NOS1AP: variants seen among roughly 807,000 people sequenced by gnomAD.
NOS1AP encodes the protein nitric oxide synthase 1 adaptor protein.
In NOS1AP, 21 loss-of-function variants were observed where a neutral mutation model predicts 56.2. The ratio of observed to expected loss-of-function variants is 0.37; its 90% CI spans 0.26 to 0.54. NOS1AP has a LOEUF of 0.54. Ranked by LOEUF, NOS1AP falls within the 20% of genes least tolerant of loss-of-function variation. The pLI is 0.84. For missense variants in NOS1AP, 522 were observed against 657.8 expected (o/e 0.79, Z 2.26); for synonymous variants, 270 against 274.6 (o/e 0.98, Z 0.17).
At chr1:162,309,531 G>A (rs1655958000) in intron 4 of NOS1AP, among the ~76,000 whole-genome samples, 4 of 152,170 alleles carry the variant, frequency 2.6e-5, no homozygotes, top group Admixed American at 2.0e-4. Flanking sequence ...ATGGAAGTAA[G>A]GTAGAAGAAA....
At chr1:162,274,904 T>C (rs1167291047) in intron 2 of NOS1AP, among the ~76,000 whole-genome samples, 2 of 152,228 alleles carry the variant, frequency 1.3e-5, no homozygotes, top group Non-Finnish European at 2.9e-5. Context: ...CATTTTTTAC[T>C]TCGGGTGTTG....
rs536359229 is a variant in NOS1AP at position 162,162,340 on chromosome 1, A to T, written c.177+7864A>T. ...AATCAAGATTTTTGCGGTCGTTGGAATAGAGAGACGAAAGTAGCAGAAAAA... is the reference window on the plus strand; with the variant it reads ...AATCAAGATTTTTGCGGTCGTTGGATTAGAGAGACGAAAGTAGCAGAAAAA... On this transcript the variant is annotated intron_variant, in intron 2 of 9. Transcript: ENST00000361897. 1.5e-3 allele frequency among the ~76,000 whole-genome samples: 236 copies of T among 152,372 alleles called. 1 individual carries two copies. The highest frequency in any genetic ancestry group is 5.3e-3 in the African/African-American group (219 of 41,592).
At chr1:162,135,095 T>C (rs1270500294) in intron 1 of NOS1AP, among the ~76,000 whole-genome samples, 1 of 152,206 alleles carries the variant, frequency 6.6e-6, no homozygotes, top group Non-Finnish European at 1.5e-5. Context: ...TCCAAGCAAA[T>C]TAGGTGTTTG....
intron 1 of NOS1AP, among the ~76,000 whole-genome samples, chr1:162,097,061 C>G (rs1692260079): frequency 6.6e-6 from 1 of 151,522 alleles, no homozygotes; most frequent in South Asian, 2.1e-4. Flanking sequence ...TATTGCTGTG[C>G]TCTACACCCC....
At chr1:162,229,485 A>G (rs772862081) in intron 2 of NOS1AP, among the ~76,000 whole-genome samples, 5 of 152,110 alleles carry the variant, frequency 3.3e-5, no homozygotes, top group Non-Finnish European at 7.3e-5. Flanking sequence ...TAAATATTAC[A>G]TTATAGTGAA....
chr1:162,092,037 A>G (rs930500473), intron 1 of NOS1AP, among the ~76,000 whole-genome samples: 3 of 152,134 alleles, frequency 2.0e-5, no homozygotes, highest in African/African-American at 7.2e-5. Flanking sequence ...AGGGGGACTG[A>G]AGTACAAAGA....
rs200491179 is a variant in NOS1AP, at chr1:162,186,334, G to GT, written c.177+31866dup. Reference sequence around the variant, plus strand: ...TAATTATTGTTAAACAGTAATTTCTGTTTTTTTTAATGTAAAGCCTGACTC... The same window carrying GT: ...TAATTATTGTTAAACAGTAATTTCTGTTTTTTTTTAATGTAAAGCCTGACTC... On this transcript the variant is annotated intron_variant, in intron 2 of 9. Coordinates refer to ENST00000361897, the MANE Select transcript of NOS1AP (RefSeq NM_014697.3). 3.9e-3 allele frequency among the ~76,000 whole-genome samples: 579 copies of GT among 149,304 alleles called. 3 individuals carry two copies. Among genetic ancestry groups the GT allele is most frequent in the African/African-American group, 0.01 (419 of 40,602 alleles).
intron 7 of NOS1AP, among the ~76,000 whole-genome samples, chr1:162,356,271 G>A (rs1042212022): frequency 2.6e-5 from 4 of 152,184 alleles, no homozygotes; most frequent in African/African-American, 4.8e-5. Flanking sequence ...TCTATGAATC[G>A]TAGAAGCCAT....
At chr1:162,125,336 G>T (rs1370660810) in intron 1 of NOS1AP, among the ~76,000 whole-genome samples, 1 of 151,968 alleles carries the variant, frequency 6.6e-6, no homozygotes. Context: ...GTTTCACCAT[G>T]TGGCCCAAGC....
chr1:162,228,984 A>G (rs534736993), intron 2 of NOS1AP, among the ~76,000 whole-genome samples: 1 of 152,242 alleles, frequency 6.6e-6, no homozygotes, highest in African/African-American at 2.4e-5. Context: ...AGATGGAGAA[A>G]TTTGCCAGAG....
chr1:162,198,850 C>T (rs141422464), intron 2 of NOS1AP, among the ~76,000 whole-genome samples: 6 of 152,244 alleles, frequency 3.9e-5, no homozygotes, highest in African/African-American at 1.4e-4. Context: ...ACCAGCACCA[C>T]TATTCATATG....
intron 2 of NOS1AP, among the ~76,000 whole-genome samples, chr1:162,221,087 A>C (rs1319501052): frequency 2.6e-5 from 4 of 152,168 alleles, no homozygotes; most frequent in Non-Finnish European, 1.5e-5. Context: ...GACTGCAGGC[A>C]TGGACCACCA....
chr1:162,132,825 G>A (rs938257386), intron 1 of NOS1AP, among the ~76,000 whole-genome samples: 1 of 152,194 alleles, frequency 6.6e-6, no homozygotes, highest in Non-Finnish European at 1.5e-5. Context: ...AGTTACCAGT[G>A]TTCTGGGTGC....
At chr1:162,361,100 G>T (rs913510443) in intron 8 of NOS1AP, among the ~76,000 whole-genome samples, 3 of 152,170 alleles carry the variant, frequency 2.0e-5, no homozygotes, top group African/African-American at 7.2e-5. Context: ...CTCGGGACGT[G>T]GCCGTAGTGT....
chr1:162,213,705 G>A (rs1652448428), intron 2 of NOS1AP, among the ~76,000 whole-genome samples: 1 of 152,174 alleles, frequency 6.6e-6, no homozygotes, highest in Non-Finnish European at 1.5e-5. Context: ...AACTTCCCTG[G>A]CATGTGCCTG....
intron 5 of NOS1AP, among the ~76,000 whole-genome samples, chr1:162,339,401 T>A (rs902989784): frequency 2.7e-4 from 41 of 149,846 alleles, no homozygotes; most frequent in African/African-American, 8.9e-4. Flanking sequence ...ATGCTTTTTT[T>A]AAAAAAAAAA....
intron 1 of NOS1AP, among the ~76,000 whole-genome samples, chr1:162,121,442 C>T (rs959255501): frequency 1.3e-5 from 2 of 152,098 alleles, no homozygotes; most frequent in Non-Finnish European, 2.9e-5. Flanking sequence ...TTAATTCAAC[C>T]TTCTCATTGT....
chr1:162,097,883 A>G (rs1692283364), intron 1 of NOS1AP, among the ~76,000 whole-genome samples: 1 of 151,364 alleles, frequency 6.6e-6, no homozygotes, highest in Non-Finnish European at 1.5e-5. Flanking sequence ...TAAAATAGGT[A>G]TATTTATATT....
chr1:162,300,808 ACTT>A lies in NOS1AP; in HGVS notation c.344+105_344+107del. ...GGTGGATCCAGGCAAATTTAAATAA[ACTT>A]CTATGCTTTTCCCTCCTGAGACCTG... On this transcript the variant is annotated intron_variant, in intron 4 of 9. Transcript: ENST00000361897. 4 of 955,520 alleles carry A rather than the reference ACTT, an allele frequency of 4.2e-6. No homozygotes were observed. In the Admixed American group the frequency reaches 7.1e-5, roughly 17 times the overall value. 59.2% of individuals were successfully genotyped at this position (955,520 alleles called of 1,614,324 possible).
Sources: allele counts gnomAD v4.1 joint callset (sites outside exome capture counted in the v4.1 genomes callset), GRCh38; gene constraint gnomAD v4.1.1; transcripts MANE v1.5; gene names NCBI Gene and HGNC (gene_info 2026-07-23, HGNC 2026-07-21).